CETN3: variants seen among roughly 807,000 people sequenced by gnomAD.
The protein encoded by CETN3 is centrin-3.
A neutral mutation model predicts 20.1 loss-of-function variants in CETN3; 17 were observed. That is an observed-to-expected ratio of 0.85 (90% CI 0.58 to 1.27). The LOEUF (loss-of-function observed/expected upper bound fraction) is 1.27, where lower values mean the gene tolerates loss of function less well. Among genes scored for constraint, CETN3 ranks in the 50% most tolerant of loss-of-function variants. CETN3 has a pLI of 0.00. For missense variants in CETN3, 169 were observed against 191.2 expected (o/e 0.88, Z 0.69); for synonymous variants, 52 against 59.7 (o/e 0.87, Z 0.59).
intron 4 of CETN3, among the ~76,000 whole-genome samples, chr5:90,398,783 G>T (rs1040538941): frequency 3.3e-5 from 5 of 152,174 alleles, no homozygotes; most frequent in Admixed American, 1.3e-4. Flanking sequence ...GGAAAAGAAT[G>T]ATACCAAGAG....
At chr5:90,399,936 C>T (rs1749239390) in intron 3 of CETN3, among the ~76,000 whole-genome samples, 1 of 152,162 alleles carries the variant, frequency 6.6e-6, no homozygotes, top group African/African-American at 2.4e-5. Context: ...GACATACCAA[C>T]AAAATAATTG....
chr5:90,406,198 T>A (rs1319735059), intron 2 of CETN3, among the ~76,000 whole-genome samples: 1 of 152,064 alleles, frequency 6.6e-6, no homozygotes, highest in Non-Finnish European at 1.5e-5. Flanking sequence ...AGAATTATCA[T>A]CAGTCTTTCC....
At chr5:90,409,108 G>A (rs943427445) in intron 1 of CETN3, among the ~76,000 whole-genome samples, 5 of 152,146 alleles carry the variant, frequency 3.3e-5, no homozygotes, top group South Asian at 2.1e-4. Flanking sequence ...AGAACTGAAA[G>A]GTAAAAAAAT....
At position 90,409,701 on chromosome 5, in the gene CETN3, T is replaced by C. The variant is rs753698594; in HGVS notation, c.-40A>G. 4 of 1,613,850 alleles carry C rather than the reference T, an allele frequency of 2.5e-6. No homozygotes were observed. In the African/African-American group the frequency reaches 5.3e-5, roughly 22 times the overall value. On this transcript the variant is annotated 5_prime_UTR_variant, in exon 1 of 5. Transcript: ENST00000283122. ...GAGACGTTCCTCTCAAGAACGATTT[T>C]AACCCCCTACCCAAGGCAGCAAGAC...
At chr5:90,402,099 G>A (rs1385176987) in intron 3 of CETN3, among the ~76,000 whole-genome samples, 3 of 152,022 alleles carry the variant, frequency 2.0e-5, no homozygotes, top group South Asian at 2.1e-4. Context: ...CAATCCTCCC[G>A]CCTTGACCTC....
chr5:90,407,593 C>T (rs1159365033), intron 2 of CETN3, 106 bp downstream of exon 2: 1 of 858,388 alleles, frequency 1.2e-6, no homozygotes, highest in African/African-American at 1.8e-5. Context: ...TTCATAGTTC[C>T]AAAACCAATT....
At chr5:90,403,028 T>A (rs759927330) in intron 3 of CETN3, among the ~76,000 whole-genome samples, 1 of 152,246 alleles carries the variant, frequency 6.6e-6, no homozygotes, top group South Asian at 2.1e-4. Context: ...GTTTGACTTA[T>A]GTTAGTCTTA....
At chr5:90,395,588 C>A (rs1169136509) in intron 4 of CETN3, among the ~76,000 whole-genome samples, 1 of 152,172 alleles carries the variant, frequency 6.6e-6, no homozygotes, top group South Asian at 2.1e-4. Flanking sequence ...CCTGCCTCAG[C>A]CTCCCAAAGT....
chr5:90,407,705 T>C lies in CETN3; in HGVS notation c.147A>G (p.Glu49=), dbSNP rs1222848355. Reference sequence around the variant, plus strand: ...TTTTAAAGTATACCATTACCTTTAATTCATGATAATCTATTGCTTCATCTT... The same window carrying C: ...TTTTAAAGTATACCATTACCTTTAACTCATGATAATCTATTGCTTCATCTT... ...TDKDEAIDYH[E]LKVAMRALGF... is the part of the protein sequence containing the mutation. Residue 49 remains glutamate (E), a synonymous_variant, in exon 2 of 5, where the codon GAA becomes GAG. Transcript: ENST00000283122. 1 of 1,521,942 alleles carries C rather than the reference T, an allele frequency of 6.6e-7. No individual in the cohort carries two copies. The highest frequency in any genetic ancestry group is 1.3e-5 in the South Asian group (1 of 77,312). The allele number at this position is 1,521,942 out of a possible 1,614,324, so 94.3% of individuals were successfully genotyped here.
chr5:90,404,874 A>T (rs1428676457), intron 3 of CETN3, among the ~76,000 whole-genome samples: 13 of 152,000 alleles, frequency 8.6e-5, no homozygotes, highest in Non-Finnish European at 2.9e-5. Context: ...TAGAGAAAAA[A>T]AAAAAAAGAA....
chr5:90,404,063 C>A (rs933115610), intron 3 of CETN3, among the ~76,000 whole-genome samples: 6 of 151,854 alleles, frequency 4.0e-5, no homozygotes, highest in African/African-American at 1.5e-4. Context: ...ATTTCGAGCC[C>A]CTGAAACAAA....
chr5:90,397,080 CAT>C (rs1373137261), intron 4 of CETN3, among the ~76,000 whole-genome samples: 1 of 151,948 alleles, frequency 6.6e-6, no homozygotes, highest in African/African-American at 2.4e-5. Flanking sequence ...ACTTGAGCAC[CAT>C]AGATTCTGGC....
Position 90,393,392 on chromosome 5 carries a change from T to C in CETN3, c.*672A>G, listed in dbSNP as rs1749062329. On this transcript the variant is annotated 3_prime_UTR_variant, in exon 5 of 5. Coordinates refer to ENST00000283122, the MANE Select transcript of CETN3 (RefSeq NM_004365.4). Reference sequence around the variant, plus strand: ...TTTAAGGAAATATTCAGAAGAAAATTAACTTTCATACTTACAATGATACCA... The same window carrying C: ...TTTAAGGAAATATTCAGAAGAAAATCAACTTTCATACTTACAATGATACCA... 1 of 152,184 alleles carries C rather than the reference T, an allele frequency of 6.6e-6. No homozygotes were observed. Among genetic ancestry groups the C allele is most frequent in the African/African-American group, 2.4e-5 (1 of 41,454 alleles). 9.4% of individuals were successfully genotyped at this position (152,184 alleles called of 1,614,324 possible).
At chr5:90,408,933 C>T (rs1295118054) in intron 1 of CETN3, among the ~76,000 whole-genome samples, 1 of 151,970 alleles carries the variant, frequency 6.6e-6, no homozygotes, top group African/African-American at 2.4e-5. Flanking sequence ...CTTCCTGAGA[C>T]TTTTGGAGGC....
chr5:90,401,733 C>A (rs1199054862), intron 3 of CETN3, among the ~76,000 whole-genome samples: 1 of 152,166 alleles, frequency 6.6e-6, no homozygotes, highest in Non-Finnish European at 1.5e-5. Context: ...CTCCCCTACC[C>A]CAACCAAAAG....
At chr5:90,399,308 C>A in intron 4 of CETN3, 50 bp downstream of exon 4, 42 of 1,561,642 alleles carry the variant, frequency 2.7e-5, no homozygotes, top group Non-Finnish European at 3.7e-5. Flanking sequence ...AAATGTATTA[C>A]ATGTGTAGCA....
intron 2 of CETN3, among the ~76,000 whole-genome samples, chr5:90,407,000 C>T (rs73190435): frequency 0.012 from 1,879 of 152,028 alleles, 49 homozygotes; most frequent in African/African-American, 0.043. Context: ...GCTTAAAAAT[C>T]CCTTACGAAA....
chr5:90,398,605 T>C (rs1033485028), intron 4 of CETN3, among the ~76,000 whole-genome samples: 3 of 152,148 alleles, frequency 2.0e-5, no homozygotes, highest in Non-Finnish European at 1.5e-5. Context: ...AATGTGTACA[T>C]ACAGGAGGTG....
In CETN3 at chr5:90,393,341, A is replaced by C. The variant is rs1333024896; in HGVS notation, c.*723T>G. 2 of 152,230 alleles carry C rather than the reference A, an allele frequency of 1.3e-5. No homozygotes were observed. Among genetic ancestry groups the C allele is most frequent in the Non-Finnish European group, 2.9e-5 (2 of 68,042 alleles). The allele number at this position is 152,230 out of a possible 1,614,324, so 9.4% of individuals were successfully genotyped here. A position where few individuals can be genotyped will look rare whatever the true frequency, so the allele number is the denominator to read the frequency against. ...AAATCTCTCAGTCAAGAAGTTAGAA[A>C]ATTCAAATTGTATTCATTCAATTTG... On this transcript the variant is annotated 3_prime_UTR_variant, in exon 5 of 5. Transcript: ENST00000283122.
Sources: gnomAD v4.1 joint callset for allele counts (sites outside exome capture counted in the v4.1 genomes callset) on GRCh38, gnomAD v4.1.1 for gene constraint, MANE v1.5 for transcripts, NCBI Gene and HGNC (gene_info 2026-07-23, HGNC 2026-07-21) for gene names.